The following CAMK2D variants were observed in gnomAD, a reference collection of about 807,000 sequenced individuals.
The protein encoded by CAMK2D is calcium/calmodulin-dependent protein kinase type II subunit delta.
CAMK2D carries 37 observed loss-of-function variants against 84.0 expected under a neutral mutation model. The ratio of observed to expected loss-of-function variants is 0.44; its 90% CI spans 0.34 to 0.58. The LOEUF (loss-of-function observed/expected upper bound fraction) is 0.58, where lower values mean the gene tolerates loss of function less well. CAMK2D is among the 20% of genes least tolerant of loss of function. The probability of loss-of-function intolerance (pLI) is 0.02; values close to 1 mark genes in which losing one functional copy is unlikely to be tolerated. For missense variants in CAMK2D, 448 were observed against 652.5 expected (o/e 0.69, Z 3.41); for synonymous variants, 202 against 212.5 (o/e 0.95, Z 0.43).
intron 2 of CAMK2D, among the ~76,000 whole-genome samples, chr4:113,688,571 T>G (rs2154339488): frequency 6.6e-6 from 1 of 152,302 alleles, no homozygotes; most frequent in East Asian, 1.9e-4. Context: ...TCCAGATGGC[T>G]GTCCTATGAG....
chr4:113,609,248 C>G (rs747968309), intron 3 of CAMK2D, 42 bp from the exon 4 acceptor site: 1 of 1,048,504 alleles, frequency 9.5e-7, no homozygotes, highest in East Asian at 2.4e-5. Context: ...TATACCTATT[C>G]CAACGATCAA....
intron 2 of CAMK2D, among the ~76,000 whole-genome samples, chr4:113,677,799 A>G (rs1561779038): frequency 6.6e-6 from 1 of 152,148 alleles, no homozygotes; most frequent in African/African-American, 2.4e-5. Context: ...AGTAAAAATA[A>G]TCTCATGTAT....
intron 2 of CAMK2D, among the ~76,000 whole-genome samples, chr4:113,678,867 A>G (rs1398828135): frequency 6.6e-6 from 1 of 152,172 alleles, no homozygotes; most frequent in Admixed American, 6.5e-5. Flanking sequence ...TTGCACAATG[A>G]TCTTTCATAA....
rs564462116 is a variant in CAMK2D, at chr4:113,495,124, G to A, written c.1135+5339C>T. Among the ~76,000 whole-genome samples the A allele has an allele frequency of 3.9e-5, 6 of 152,320 alleles. No individual in the cohort carries two copies. In the East Asian group the frequency reaches 9.7e-4, roughly 25 times the overall value. ...TTCTGCGTCGCTCAAGCTGGGAGCT[G>A]TAGACCAGAGTTGTTCCTATTTGGC... On this transcript the variant is annotated intron_variant, in intron 16 of 20. Transcript: ENST00000511664.
intron 4 of CAMK2D, among the ~76,000 whole-genome samples, chr4:113,572,673 C>A (rs762675525): frequency 6.6e-6 from 1 of 152,068 alleles, no homozygotes; most frequent in East Asian, 1.9e-4. Flanking sequence ...AACCCTTATG[C>A]GTTGTTGGTG....
At chr4:113,721,956 C>A (rs911175509) in intron 2 of CAMK2D, among the ~76,000 whole-genome samples, 4 of 152,148 alleles carry the variant, frequency 2.6e-5, no homozygotes, top group Non-Finnish European at 5.9e-5. Context: ...TCCCCACTGC[C>A]TTTCCCCTAC....
chr4:113,503,421 C>A, intron 14 of CAMK2D: 2 of 382,694 alleles, frequency 5.2e-6, no homozygotes, highest in South Asian at 2.2e-5. Flanking sequence ...GTTTGAAACT[C>A]GATTATGGTG....
At chr4:113,499,528 C>T (rs2098000004) in intron 16 of CAMK2D, among the ~76,000 whole-genome samples, 1 of 152,168 alleles carries the variant, frequency 6.6e-6, no homozygotes, top group African/African-American at 2.4e-5. Context: ...ATGAATACAA[C>T]TTTACAAGAC....
At chr4:113,537,557 T>C in intron 6 of CAMK2D, 114 bp from the exon 7 acceptor site, 1 of 641,702 alleles carries the variant, frequency 1.6e-6, no homozygotes, top group Non-Finnish European at 2.7e-6. Flanking sequence ...ACTGTCATCT[T>C]TCCTGGAGAC....
intron 8 of CAMK2D, among the ~76,000 whole-genome samples, chr4:113,521,369 T>TAATA (rs1299483759): frequency 6.6e-6 from 1 of 152,218 alleles, no homozygotes; most frequent in African/African-American, 2.4e-5. Flanking sequence ...CTGCATCTGT[T>TAATA]AATATAAACT....
intron 16 of CAMK2D, among the ~76,000 whole-genome samples, chr4:113,490,615 T>G (rs1485287758): frequency 6.6e-6 from 1 of 151,622 alleles, no homozygotes; most frequent in Admixed American, 6.6e-5. Context: ...AGGACTGACT[T>G]GGCGATGCGG....
chr4:113,737,701 G>A (rs966297749), intron 2 of CAMK2D, among the ~76,000 whole-genome samples: 2 of 151,992 alleles, frequency 1.3e-5, no homozygotes, highest in African/African-American at 4.8e-5. Context: ...ATCCTTCACT[G>A]TCCTTTATAT....
chr4:113,582,671 T>G (rs1335771951), intron 4 of CAMK2D, among the ~76,000 whole-genome samples: 8 of 152,250 alleles, frequency 5.3e-5, no homozygotes, highest in Non-Finnish European at 2.9e-5. Flanking sequence ...TTTTTACTCA[T>G]GGCCTATTTC....
chr4:113,502,635 GA>G (rs2098069728), intron 15 of CAMK2D, among the ~76,000 whole-genome samples: 1 of 151,906 alleles, frequency 6.6e-6, no homozygotes, highest in Admixed American at 6.6e-5. Flanking sequence ...AAGTCATGGG[GA>G]AAAAAATGAC....
At chr4:113,538,071 A>C (rs1449596891) in intron 6 of CAMK2D, among the ~76,000 whole-genome samples, 1 of 152,118 alleles carries the variant, frequency 6.6e-6, no homozygotes, top group African/African-American at 2.4e-5. Flanking sequence ...CAAATGTTAT[A>C]GTCAGCTTTT....
In CAMK2D at chr4:113,493,821, T is replaced by A. The variant is rs1237237716; in HGVS notation, c.1135+6642A>T. On this transcript the variant is annotated intron_variant, in intron 16 of 20. Coordinates refer to ENST00000511664, the MANE Select transcript of CAMK2D (RefSeq NM_001321571.2). ...TGGTCTTTTCACATAGTCCCATATTTCTTGGAGGCTTTGCTCATTTCTTTT... is the reference window on the plus strand; with the variant it reads ...TGGTCTTTTCACATAGTCCCATATTACTTGGAGGCTTTGCTCATTTCTTTT... Among the ~76,000 whole-genome samples the A allele has an allele frequency of 5.3e-5, 8 of 151,748 alleles. No individual in the cohort carries two copies. In the East Asian group the frequency reaches 1.5e-3, roughly 29 times the overall value.
At chr4:113,610,942 A>G (rs937664932) in intron 3 of CAMK2D, among the ~76,000 whole-genome samples, 1 of 152,146 alleles carries the variant, frequency 6.6e-6, no homozygotes, top group Admixed American at 6.5e-5. Flanking sequence ...GATCTGGCAC[A>G]TAGTAGATGG....
intron 3 of CAMK2D, among the ~76,000 whole-genome samples, chr4:113,653,827 G>T (rs7694540): frequency 0.17 from 25,338 of 151,842 alleles, 3,341 homozygotes; most frequent in African/African-American, 0.35. Context: ...GTGATTGTAT[G>T]GGTTCCTTAC....
At chr4:113,498,998 C>T (rs1407827692) in intron 16 of CAMK2D, among the ~76,000 whole-genome samples, 3 of 152,090 alleles carry the variant, frequency 2.0e-5, no homozygotes, top group Non-Finnish European at 2.9e-5. Context: ...TCAGTTTCTC[C>T]AGTGGACAAT....
Sources: allele counts gnomAD v4.1 joint callset (sites outside exome capture counted in the v4.1 genomes callset), GRCh38; gene constraint gnomAD v4.1.1; transcripts MANE v1.5; gene names NCBI Gene and HGNC (gene_info 2026-07-23, HGNC 2026-07-21).